Variants in DDX59 observed in about 807,000 individuals in gnomAD.
The protein encoded by DDX59 is probable ATP-dependent RNA helicase DDX59.
In DDX59, 30 loss-of-function variants were observed where a neutral mutation model predicts 51.9. That is an observed-to-expected ratio of 0.58 (90% CI 0.43 to 0.78). DDX59 has a LOEUF of 0.78. DDX59 is among the 30% of genes least tolerant of loss of function. The probability of loss-of-function intolerance (pLI) is 0.00; values close to 1 mark genes in which losing one functional copy is unlikely to be tolerated. For missense variants in DDX59, 672 were observed against 730.8 expected, an observed-to-expected ratio of 0.92 and a Z score of 0.93; for synonymous variants, 255 against 253.3, an observed-to-expected ratio of 1.01 and a Z score of -0.06.
chr1:200,667,962 A>G (rs913490040), intron 1 of DDX59, among the ~76,000 whole-genome samples: 1 of 152,180 alleles, frequency 6.6e-6, no homozygotes, highest in African/African-American at 2.4e-5. Flanking sequence ...TGTGTGTATA[A>G]AACACATTAT....
chr1:200,646,700 T>C (rs1661316445), intron 7 of DDX59, among the ~76,000 whole-genome samples: 1 of 152,172 alleles, frequency 6.6e-6, no homozygotes, highest in South Asian at 2.1e-4. Context: ...TGGCAGTTCC[T>C]CAAAATGCTA....
In DDX59 at chr1:200,644,309, C is replaced by G. The variant is rs767166701; in HGVS notation, c.1805G>C (p.Gly602Ala). The G allele has an allele frequency of 1.9e-6, 3 of 1,612,684 alleles. No homozygotes were observed. The South Asian group carries it at 3.3e-5, about 18-fold the overall frequency. The change falls in exon 8 of 8, where the codon GGA becomes GCA. Residue 602 changes from glycine (G) to alanine (A), a missense_variant. By Grantham distance (60) the Gly-to-Ala change is moderately conservative. Transcript: ENST00000331314. ...TCTGATAATATCCATAAGATTAGCT[C>G]CTGTAACCAGATCATTCTGTGTCTG... ...DKQTQNDLVTGANLMDIIRKH... is the reference protein window; with the variant it reads ...DKQTQNDLVTAANLMDIIRKH...
chr1:200,663,080 T>G (rs761267624), intron 3 of DDX59, among the ~76,000 whole-genome samples: 1 of 152,202 alleles, frequency 6.6e-6, no homozygotes, highest in Non-Finnish European at 1.5e-5. Context: ...TATTCACCCA[T>G]AGAAGCTGTC....
intron 3 of DDX59, among the ~76,000 whole-genome samples, chr1:200,661,790 C>G (rs1358590028): frequency 1.3e-5 from 2 of 152,206 alleles, no homozygotes; most frequent in Non-Finnish European, 2.9e-5. Context: ...GTAATCTACT[C>G]TATCAACGTG....
chr1:200,667,283 C>T (rs888745206), intron 1 of DDX59, among the ~76,000 whole-genome samples: 2 of 152,162 alleles, frequency 1.3e-5, no homozygotes, highest in Non-Finnish European at 2.9e-5. Flanking sequence ...CACCTGTATT[C>T]CCAGCTACTC....
chr1:200,647,364 GAAGAC>G (rs1405270653), intron 7 of DDX59, among the ~76,000 whole-genome samples: 1 of 151,802 alleles, frequency 6.6e-6, no homozygotes, highest in African/African-American at 2.4e-5. Context: ...AAGAGGAGAT[GAAGAC>G]AAGATTCCTT....
At position 200,650,581 on chromosome 1, in the gene DDX59, T is replaced by C; in HGVS notation, c.1158A>G (p.Thr386=). The C allele has an allele frequency of 1.2e-6, 2 of 1,614,106 alleles. No individual in the cohort carries two copies. Among genetic ancestry groups the C allele is most frequent in the Admixed American group, 1.7e-5 (1 of 60,016 alleles). ...CTAGCTGTTCTATGCTAGTTGGAAT[T>C]GTGGCTGAAACCAAAATGGTCTGAC... ...NDCQTILVSA[T]IPTSIEQLAS... The change falls in exon 5 of 8, where the codon ACA becomes ACG. Residue 386 remains threonine (T), a synonymous_variant. Transcript: ENST00000331314.
intron 7 of DDX59, among the ~76,000 whole-genome samples, chr1:200,646,268 A>G (rs1222678045): frequency 6.6e-6 from 1 of 152,180 alleles, no homozygotes; most frequent in African/African-American, 2.4e-5. Context: ...CATGCATTCA[A>G]GGTTACAGTG....
Position 200,650,638 on chromosome 1 carries a change from C to T in DDX59, c.1101G>A (p.Val367=). 6.2e-7 allele frequency: 1 copy of T among 1,613,426 alleles called. No homozygotes were observed. Among genetic ancestry groups the T allele is most frequent in the Non-Finnish European group, 8.5e-7 (1 of 1,179,584 alleles). Residue 367 remains valine, a synonymous_variant, in exon 5 of 8, where the codon GTG becomes GTA. Coordinates refer to ENST00000331314, the MANE Select transcript of DDX59 (RefSeq NM_001031725.6). ...TMLKMGFQQQ[V]LDILENIPND... ...TAGGAATGTTTTCCAAAATGTCAAG[C>T]ACTTGTTGTTGAAAACCCATCTTTA...
chr1:200,652,860 T>C (rs1340903567), intron 4 of DDX59, among the ~76,000 whole-genome samples: 1 of 152,094 alleles, frequency 6.6e-6, no homozygotes, highest in Non-Finnish European at 1.5e-5. Context: ...TTTGGTATTT[T>C]TTTTTGCAGA....
At chr1:200,648,603 T>C in intron 6 of DDX59, 36 bp from the exon 7 acceptor site, 3 of 1,589,684 alleles carry the variant, frequency 1.9e-6, no homozygotes, top group Non-Finnish European at 2.6e-6. Context: ...TTATTCAGAA[T>C]TTATTTTGTG....
rs190319210 is a variant in DDX59, at chr1:200,649,279, T to A, written c.1315-53A>T. The A allele has an allele frequency of 1.4e-5, 21 of 1,449,206 alleles. No homozygotes were observed. In the East Asian group the frequency reaches 5.2e-4, roughly 36 times the overall value. The allele number at this position is 1,449,206 out of a possible 1,614,324, so 89.8% of individuals were successfully genotyped here. ...ATTATTCATATAAAATAATTTACAA[T>A]GGGAAGTTTTTCTGAAAGATTATCA... On this transcript the variant is annotated intron_variant, in intron 5 of 7. Coordinates refer to ENST00000331314, the MANE Select transcript of DDX59 (RefSeq NM_001031725.6).
chr1:200,645,645 A>C (rs1034594042), intron 7 of DDX59, among the ~76,000 whole-genome samples: 1 of 152,250 alleles, frequency 6.6e-6, no homozygotes, highest in Non-Finnish European at 1.5e-5. Context: ...GTCTCCAAAT[A>C]GATAATGAAA....
chr1:200,648,358 T>C, intron 7 of DDX59, 81 bp downstream of exon 7: 2 of 1,581,192 alleles, frequency 1.3e-6, no homozygotes, highest in Non-Finnish European at 1.7e-6. Context: ...TACTGCTTTC[T>C]TAAACTTGGT....
rs1202381842 is a variant in DDX59, at chr1:200,669,889, T to TGGTGGTGCGG, written c.-144_-135dup. 4 of 90,956 alleles carry TGGTGGTGCGG rather than the reference T, an allele frequency of 4.4e-5. No homozygotes were observed. Among genetic ancestry groups the TGGTGGTGCGG allele is most frequent in the African/African-American group, 1.6e-4 (4 of 24,826 alleles). 5.6% of individuals were successfully genotyped at this position (90,956 alleles called of 1,614,324 possible). On this transcript the variant is annotated 5_prime_UTR_variant, in exon 1 of 8. Coordinates refer to ENST00000331314, the MANE Select transcript of DDX59 (RefSeq NM_001031725.6). ...GCTCGTCAGGACTGCGGCCCGGGGT[T>TGGTGGTGCGG]GGTGGTGCGGAGCGGAGCGGAGCGG...
At chr1:200,666,951 T>C (rs1186619870) in intron 1 of DDX59, among the ~76,000 whole-genome samples, 200 bp from the exon 2 acceptor site, 1 of 144,918 alleles carries the variant, frequency 6.9e-6, no homozygotes, top group Admixed American at 7.0e-5. Flanking sequence ...CTCCAAAAAA[T>C]ACAAAAATTA....
At chr1:200,660,963 G>A (rs1182045805) in intron 3 of DDX59, among the ~76,000 whole-genome samples, 1 of 152,212 alleles carries the variant, frequency 6.6e-6, no homozygotes, top group Admixed American at 6.5e-5. Flanking sequence ...GGAAGTCCTA[G>A]AAGCAGTGAT....
downstream of DDX59, chr1:200,641,156 G>A (rs1276241076): frequency 2.3e-6 from 3 of 1,303,756 alleles, no homozygotes; most frequent in South Asian, 3.7e-5. Context: ...TGTTTATGGA[G>A]TAAACTTCAT....
chr1:200,644,621 T>G (rs1242469265), intron 7 of DDX59, 104 bp from the exon 8 acceptor site: 7 of 1,382,246 alleles, frequency 5.1e-6, no homozygotes, highest in Non-Finnish European at 5.7e-6. Flanking sequence ...ACTGGCTGGG[T>G]GCAGTGGCTC....
Sources: gnomAD v4.1 joint callset for allele counts (sites outside exome capture counted in the v4.1 genomes callset) on GRCh38, gnomAD v4.1.1 for gene constraint, MANE v1.5 for transcripts, NCBI Gene and HGNC (gene_info 2026-07-23, HGNC 2026-07-21) for gene names.